Variants in SERPINE2 observed in about 807,000 individuals in gnomAD.
SERPINE2 encodes serpin family E member 2, also known as glia-derived nexin.
A neutral mutation model predicts 36.3 loss-of-function variants in SERPINE2; 14 were observed. That is an observed-to-expected ratio of 0.39 (90% CI 0.25 to 0.60). The LOEUF (loss-of-function observed/expected upper bound fraction) is 0.60. SERPINE2 is among the 20% of genes least tolerant of loss of function. SERPINE2 has a pLI of 0.57. For missense variants in SERPINE2, 418 were observed against 499.6 expected (o/e 0.84, Z 1.56); for synonymous variants, 192 against 191.8 (o/e 1.00, Z -0.01).
chr2:224,012,303 G>C (rs985709401), intron 1 of SERPINE2, among the ~76,000 whole-genome samples: 4 of 152,194 alleles, frequency 2.6e-5, no homozygotes, highest in African/African-American at 9.7e-5. Flanking sequence ...ATAAGGAACA[G>C]TTAATGACAT....
At chr2:224,022,623 C>A (rs4368321) in intron 1 of SERPINE2, among the ~76,000 whole-genome samples, 36,034 of 152,102 alleles carry the variant, frequency 0.24, 4,894 homozygotes, top group African/African-American at 0.37. Flanking sequence ...TGAAACTTGG[C>A]TGAACCACTA....
chr2:224,004,947 G>T (rs1691334428), intron 1 of SERPINE2, among the ~76,000 whole-genome samples: 1 of 146,886 alleles, frequency 6.8e-6, no homozygotes, highest in Non-Finnish European at 1.5e-5. Flanking sequence ...CATTAAACTG[G>T]TTTTGCCTCT....
chr2:224,007,651 A>T (rs1180112429), intron 1 of SERPINE2, among the ~76,000 whole-genome samples: 1 of 152,196 alleles, frequency 6.6e-6, no homozygotes, highest in Non-Finnish European at 1.5e-5. Context: ...CATTTTTTAT[A>T]GTATATTTGA....
At position 223,975,809 on chromosome 2, in the gene SERPINE2, G is replaced by C. The variant is rs1158321081; in HGVS notation, c.*58C>G. The C allele has an allele frequency of 1.5e-6, 2 of 1,355,612 alleles. No homozygotes were observed. Among genetic ancestry groups the C allele is most frequent in the Non-Finnish European group, 2.0e-6 (2 of 978,726 alleles). The allele number at this position is 1,355,612 out of a possible 1,614,324, so 84.0% of individuals were successfully genotyped here. On this transcript the variant is annotated 3_prime_UTR_variant, in exon 9 of 9. Coordinates refer to ENST00000409304, the MANE Select transcript of SERPINE2 (RefSeq NM_001136528.2). The stretch of plus-strand genomic sequence containing the variant: ...ACAGAACTATGAAAGATGCAGGAAA[G>C]GAGTCTTTCTTCGTAGCAAAGTAGT...
chr2:224,031,441 A>G, intron 1 of SERPINE2: 4 of 985,718 alleles, frequency 4.1e-6, no homozygotes, highest in Non-Finnish European at 4.8e-6. Flanking sequence ...GCCAGGCAGC[A>G]CGGTCCTCTC....
intron 4 of SERPINE2, among the ~76,000 whole-genome samples, chr2:223,991,260 AG>A (rs1283751857): frequency 8.5e-5 from 13 of 152,224 alleles, no homozygotes; most frequent in African/African-American, 3.1e-4. Flanking sequence ...TTATGTTCAC[AG>A]TATAAATTCC....
Position 223,984,923 on chromosome 2 carries a change from C to T in SERPINE2, c.713G>A (p.Trp238Ter). The change falls in exon 5 of 9, where the codon TGG becomes TAG. Residue 238 changes from tryptophan to a stop codon, truncating the protein, a stop_gained. Coordinates refer to ENST00000409304, the MANE Select transcript of SERPINE2 (RefSeq NM_001136528.2). LOFTEE classifies it high-confidence loss of function. ...GTAGGGCAGTTCAATGAAGTTGTAC[C>T]ATAAATCATTGGGGGCACTTGTCGA... ...CGSTSAPNDLWYNFIELPYHG... is the reference protein window; with the variant it reads ...CGSTSAPNDL 6.2e-7 allele frequency: 1 copy of T among 1,614,116 alleles called. No individual in the cohort carries two copies. The highest frequency in any genetic ancestry group is 8.5e-7 in the Non-Finnish European group (1 of 1,180,012).
In SERPINE2 at chr2:224,011,728, A is replaced by G. The variant is rs141797132; in HGVS notation, c.-22-9806T>C. Among the ~76,000 whole-genome samples the G allele has an allele frequency of 4.6e-5, 7 of 152,372 alleles. No individual in the cohort carries two copies. In the East Asian group the frequency reaches 1.3e-3, roughly 29 times the overall value. The stretch of plus-strand genomic sequence containing the variant: ...TAATAATGTATCTATCTATTGGAAC[A>G]GTAATACCCCTTCTATCAATCAATC... On this transcript the variant is annotated intron_variant, in intron 1 of 8. Coordinates refer to ENST00000409304, the MANE Select transcript of SERPINE2 (RefSeq NM_001136528.2).
intron 2 of SERPINE2, among the ~76,000 whole-genome samples, chr2:224,000,856 T>A (rs1053059114): frequency 6.6e-6 from 1 of 152,224 alleles, no homozygotes. Flanking sequence ...TGCAAGGACA[T>A]GAACTCACTC....
rs140270519 is a variant in SERPINE2, at chr2:223,984,504, G to A, written c.884+248C>T. Among the ~76,000 whole-genome samples the A allele has an allele frequency of 2.2e-3, 340 of 152,316 alleles. 5 individuals are homozygous for A. Among genetic ancestry groups the A allele is most frequent in the African/African-American group, 7.9e-3 (330 of 41,572 alleles). On this transcript the variant is annotated intron_variant, in intron 5 of 8. Coordinates refer to ENST00000409304, the MANE Select transcript of SERPINE2 (RefSeq NM_001136528.2). ...AGTACCATGAACTGCTTATGCTCAT[G>A]TGGAGGTTTAGAGACCAAGGTTGCC... is the stretch of plus-strand genomic sequence containing the variant.
At chr2:224,001,165 T>G (rs573456550) in intron 2 of SERPINE2, among the ~76,000 whole-genome samples, 1 of 152,252 alleles carries the variant, frequency 6.6e-6, no homozygotes, top group Non-Finnish European at 1.5e-5. Context: ...GAGGGGGGTC[T>G]GTGCAACTTT....
chr2:223,982,621 ATCAGTC>A, intron 6 of SERPINE2, 54 bp downstream of exon 6: 16 of 1,019,840 alleles, frequency 1.6e-5, no homozygotes, highest in Non-Finnish European at 2.3e-5. Context: ...CTCTGCACAA[ATCAGTC>A]TCAGTTTGTA....
At chr2:223,983,019 C>T (rs141134862) in intron 5 of SERPINE2, among the ~76,000 whole-genome samples, 143 of 152,326 alleles carry the variant, frequency 9.4e-4, no homozygotes, top group Non-Finnish European at 1.7e-3. Flanking sequence ...GGCGCTCCCA[C>T]CCTCAGGTGT....
At chr2:223,992,046 G>C (rs766154582) in intron 3 of SERPINE2, 46 bp from the exon 4 acceptor site, 3 of 1,562,818 alleles carry the variant, frequency 1.9e-6, no homozygotes, top group East Asian at 2.3e-5. Flanking sequence ...CTCAGGACTG[G>C]TGGCCGGCTT....
At position 223,983,736 on chromosome 2, in the gene SERPINE2, A is replaced by ATGTGTGTG. The variant is rs71058971; in HGVS notation, c.885-963_885-956dup. 7.2e-3 allele frequency among the ~76,000 whole-genome samples: 594 copies of ATGTGTGTG among 82,808 alleles called. 6 individuals are homozygous for ATGTGTGTG. Among genetic ancestry groups the ATGTGTGTG allele is most frequent in the African/African-American group, 0.015 (496 of 33,218 alleles). The allele number at this position is 82,808 out of a possible 152,430, so 54.3% of individuals were successfully genotyped here. Reference sequence around the variant, plus strand: ...CACACACGTATATATATGTGTGTATATGTGTGTGTGTGTGTGTGTGTGTGT... The same window carrying ATGTGTGTG: ...CACACACGTATATATATGTGTGTATATGTGTGTGTGTGTGTGTGTGTGTGTGTGTGTGT... On this transcript the variant is annotated intron_variant, in intron 5 of 8. Coordinates refer to ENST00000409304, the MANE Select transcript of SERPINE2 (RefSeq NM_001136528.2).
intron 2 of SERPINE2, among the ~76,000 whole-genome samples, chr2:224,001,280 C>T (rs969561364): frequency 1.4e-4 from 21 of 152,336 alleles, no homozygotes; most frequent in African/African-American, 5.1e-4. Flanking sequence ...CCCAGCTCCT[C>T]TCACAGGCTT....
chr2:223,990,566 TTTTTA>T (rs1188150025), intron 4 of SERPINE2, among the ~76,000 whole-genome samples: 11 of 152,260 alleles, frequency 7.2e-5, no homozygotes, highest in East Asian at 1.9e-4. Context: ...GCCCCCTCAC[TTTTTA>T]TTTTATTTTT....
intron 1 of SERPINE2, among the ~76,000 whole-genome samples, chr2:224,009,764 G>A (rs1691561322): frequency 6.6e-6 from 1 of 151,998 alleles, no homozygotes; most frequent in Non-Finnish European, 1.5e-5. Context: ...CTTCTGAATG[G>A]CCTTAAGTAA....
At chr2:224,019,617 T>G (rs543962655) in intron 1 of SERPINE2, among the ~76,000 whole-genome samples, 9 of 152,290 alleles carry the variant, frequency 5.9e-5, no homozygotes, top group Non-Finnish European at 1.3e-4. Context: ...GACACTGAAG[T>G]GCTCAATATA....
Sources: gnomAD v4.1 joint callset for allele counts (sites outside exome capture counted in the v4.1 genomes callset) on GRCh38, gnomAD v4.1.1 for gene constraint, MANE v1.5 for transcripts, NCBI Gene and HGNC (gene_info 2026-07-23, HGNC 2026-07-21) for gene names.